The following EXOC6B variants were observed in gnomAD, a reference collection of about 807,000 sequenced individuals.
EXOC6B encodes the protein exocyst complex component 6B.
A neutral mutation model predicts 113.5 loss-of-function variants in EXOC6B; 54 were observed. That is an observed-to-expected ratio of 0.48 (90% confidence interval 0.38 to 0.60). The LOEUF (loss-of-function observed/expected upper bound fraction) is 0.60, where lower values mean the gene tolerates loss of function less well. EXOC6B is among the 20% of genes least tolerant of loss of function. The pLI is 0.00. For missense variants in EXOC6B, 797 were observed against 977.5 expected, an observed-to-expected ratio of 0.82 and a Z score of 2.46; for synonymous variants, 357 against 339.0, an observed-to-expected ratio of 1.05 and a Z score of -0.58.
At chr2:72,472,885 T>C (rs1198444965) in intron 17 of EXOC6B, among the ~76,000 whole-genome samples, 1 of 152,192 alleles carries the variant, frequency 6.6e-6, no homozygotes, top group Admixed American at 6.5e-5. Context: ...GTGTTTCCAT[T>C]TCATTTGTTC....
At chr2:72,570,790 AT>A (rs1285145645) in intron 7 of EXOC6B, among the ~76,000 whole-genome samples, 3 of 152,066 alleles carry the variant, frequency 2.0e-5, no homozygotes, top group South Asian at 2.1e-4. Context: ...ATTTCAGCAG[AT>A]TTTTTTTGTT....
At chr2:72,726,645 T>C (rs1162159081) in intron 5 of EXOC6B, among the ~76,000 whole-genome samples, 3 of 152,192 alleles carry the variant, frequency 2.0e-5, no homozygotes, top group African/African-American at 7.2e-5. Context: ...ATAGGTCTTA[T>C]GACATAATAA....
At chr2:72,361,748 C>T (rs1690327845) in intron 19 of EXOC6B, among the ~76,000 whole-genome samples, 1 of 152,168 alleles carries the variant, frequency 6.6e-6, no homozygotes. Context: ...TAAAACATCT[C>T]ACACCTGAGT....
chr2:72,669,309 T>C (rs185929210), intron 6 of EXOC6B, among the ~76,000 whole-genome samples: 1 of 151,560 alleles, frequency 6.6e-6, no homozygotes, highest in African/African-American at 2.4e-5. Context: ...CCTTACCCAA[T>C]ATCGAATTAG....
chr2:72,708,975 C>A (rs1215717506), intron 6 of EXOC6B, among the ~76,000 whole-genome samples: 1 of 138,600 alleles, frequency 7.2e-6, no homozygotes, highest in African/African-American at 2.7e-5. Flanking sequence ...AATTCCTGGC[C>A]TCAAGTGATC....
intron 18 of EXOC6B, among the ~76,000 whole-genome samples, chr2:72,396,989 A>C (rs1439065018): frequency 6.6e-6 from 1 of 151,092 alleles, no homozygotes; most frequent in East Asian, 1.9e-4. Context: ...AAAAAAAAAC[A>C]TATTTTCAAA....
intron 20 of EXOC6B, among the ~76,000 whole-genome samples, chr2:72,227,285 C>T (rs1023552739): frequency 1.3e-5 from 2 of 152,022 alleles, no homozygotes; most frequent in African/African-American, 4.8e-5. Flanking sequence ...AAAACACATA[C>T]TGAGCAAGTA....
At chr2:72,557,006 T>C (rs1703583259) in intron 8 of EXOC6B, among the ~76,000 whole-genome samples, 1 of 151,402 alleles carries the variant, frequency 6.6e-6, no homozygotes, top group African/African-American at 2.4e-5. Context: ...AGGTTAAAAA[T>C]AAGCACTTTA....
At chr2:72,325,375 G>T (rs199733713) in intron 20 of EXOC6B, among the ~76,000 whole-genome samples, 2 of 151,962 alleles carry the variant, frequency 1.3e-5, no homozygotes, top group Non-Finnish European at 2.9e-5. Context: ...CCTACACAAG[G>T]CTCCTTCCTT....
intron 6 of EXOC6B, among the ~76,000 whole-genome samples, chr2:72,619,109 G>A (rs977043170): frequency 1.3e-5 from 2 of 151,910 alleles, no homozygotes; most frequent in Non-Finnish European, 2.9e-5. Flanking sequence ...TACGAGACCT[G>A]GAAATGTTAC....
intron 6 of EXOC6B, among the ~76,000 whole-genome samples, chr2:72,605,152 G>A (rs971007017): frequency 6.6e-6 from 1 of 151,772 alleles, no homozygotes; most frequent in Non-Finnish European, 1.5e-5. Context: ...GTGTGATGGC[G>A]GGTGCTTGTA....
intron 1 of EXOC6B, among the ~76,000 whole-genome samples, chr2:72,811,279 C>A (rs888404071): frequency 2.6e-5 from 4 of 152,026 alleles, no homozygotes; most frequent in Admixed American, 2.0e-4. Flanking sequence ...CCACTGCACT[C>A]CAGCTGGGTG....
At chr2:72,675,824 G>T (rs72916247) in intron 6 of EXOC6B, among the ~76,000 whole-genome samples, 1 of 151,492 alleles carries the variant, frequency 6.6e-6, no homozygotes, top group Non-Finnish European at 1.5e-5. Flanking sequence ...TGGTGGGGGC[G>T]GGGGGGCGGA....
intron 18 of EXOC6B, among the ~76,000 whole-genome samples, chr2:72,404,740 A>C (rs1015088489): frequency 6.6e-6 from 1 of 152,236 alleles, no homozygotes; most frequent in African/African-American, 2.4e-5. Context: ...AAGGTAGATA[A>C]AACCACAAAG....
chr2:72,594,155 A>T (rs1232380364), intron 6 of EXOC6B, among the ~76,000 whole-genome samples: 4 of 152,032 alleles, frequency 2.6e-5, no homozygotes, highest in Admixed American at 1.3e-4. Flanking sequence ...TAATTTTTTT[A>T]AATTTTTTAC....
intron 6 of EXOC6B, among the ~76,000 whole-genome samples, chr2:72,602,846 T>C (rs181448985): frequency 3.0e-4 from 46 of 152,268 alleles, no homozygotes; most frequent in Admixed American, 2.7e-3. Context: ...CTCAGTATAC[T>C]TGGATCTGAA....
At chr2:72,337,492 T>G (rs1411041701) in intron 19 of EXOC6B, among the ~76,000 whole-genome samples, 2 of 152,292 alleles carry the variant, frequency 1.3e-5, no homozygotes, top group African/African-American at 2.4e-5. Context: ...TTGAATCTCC[T>G]TATTGGGCAT....
intron 18 of EXOC6B, among the ~76,000 whole-genome samples, chr2:72,460,242 T>C (rs1407941308): frequency 1.7e-4 from 25 of 148,308 alleles, no homozygotes; most frequent in South Asian, 1.0e-3. Flanking sequence ...AGACCTAAAA[T>C]CATAAAAACC....
At chr2:72,220,318 A>G (rs1490077740) in intron 20 of EXOC6B, among the ~76,000 whole-genome samples, 1 of 152,014 alleles carries the variant, frequency 6.6e-6, no homozygotes, top group African/African-American at 2.4e-5. Context: ...CCCCTCCCCC[A>G]GTTGAGCCCA....
Sources: gnomAD v4.1 joint callset for allele counts (sites outside exome capture counted in the v4.1 genomes callset) on GRCh38, gnomAD v4.1.1 for gene constraint, MANE v1.5 for transcripts, NCBI Gene and HGNC (gene_info 2026-07-23, HGNC 2026-07-21) for gene names.